The following CDH12 variants were observed in gnomAD, a reference collection of about 807,000 sequenced individuals.
CDH12 encodes the protein cadherin-12.
Under a neutral mutation model 74.1 loss-of-function variants are expected in CDH12, and 41 were observed. The ratio of observed to expected loss-of-function variants is 0.55; its 90% CI spans 0.43 to 0.72. The LOEUF (loss-of-function observed/expected upper bound fraction) is 0.72. CDH12 is among the 30% of genes least tolerant of loss of function. The pLI is 0.00. For synonymous variants in CDH12, 399 were observed against 355.0 expected, an observed-to-expected ratio of 1.12 and a Z score of -1.39; for missense variants, 945 against 977.2, an observed-to-expected ratio of 0.97 and a Z score of 0.44.
chr5:22,664,846 A>C (rs889486646), intron 1 of CDH12, among the ~76,000 whole-genome samples: 1 of 152,198 alleles, frequency 6.6e-6, no homozygotes, highest in African/African-American at 2.4e-5. Context: ...ATTCAGCAAC[A>C]ATTTATTATA....
rs185307871 is a variant in CDH12 at position 22,775,485 on chromosome 5, C to T, written c.-523+77573G>A. The stretch of plus-strand genomic sequence containing the variant: ...TTTAACCAACGTAATAAAATATCTT[C>T]ATTTTAATTTGGAAAATTAAAATAT... On this transcript the variant is annotated intron_variant, in intron 1 of 14. Transcript: ENST00000382254. Among the ~76,000 whole-genome samples, 1,347 of 152,012 alleles carry T rather than the reference C, an allele frequency of 8.9e-3. 22 individuals are homozygous for T. The highest frequency in any genetic ancestry group is 0.031 in the African/African-American group (1,286 of 41,466).
intron 4 of CDH12, among the ~76,000 whole-genome samples, chr5:22,168,893 C>T (rs1748852333): frequency 6.7e-6 from 1 of 149,004 alleles, no homozygotes; most frequent in Admixed American, 6.8e-5. Context: ...AGGCACACAT[C>T]TTCCCTAGTG....
At chr5:22,283,366 T>C (rs535986426) in intron 3 of CDH12, among the ~76,000 whole-genome samples, 26 of 150,542 alleles carry the variant, frequency 1.7e-4, no homozygotes, top group African/African-American at 6.3e-4. Context: ...ATGTATCACA[T>C]TTATATATAG....
intron 6 of CDH12, among the ~76,000 whole-genome samples, chr5:21,961,167 T>C (rs1318732194): frequency 1.3e-5 from 2 of 152,224 alleles, no homozygotes; most frequent in East Asian, 3.9e-4. Flanking sequence ...AAAGTCTTTC[T>C]ATTTTTCTGT....
chr5:22,744,977 A>C (rs1745218952), intron 1 of CDH12, among the ~76,000 whole-genome samples: 2 of 151,758 alleles, frequency 1.3e-5, no homozygotes, highest in African/African-American at 4.8e-5. Flanking sequence ...AGAACCTGAC[A>C]TATAATTAAC....
At chr5:22,101,085 T>C (rs1744114492) in intron 4 of CDH12, among the ~76,000 whole-genome samples, 1 of 152,174 alleles carries the variant, frequency 6.6e-6, no homozygotes, top group African/African-American at 2.4e-5. Flanking sequence ...TGTAAAAATT[T>C]GCAAATGTGA....
intron 1 of CDH12, among the ~76,000 whole-genome samples, chr5:22,674,473 T>G (rs1430803054): frequency 6.6e-6 from 1 of 152,186 alleles, no homozygotes; most frequent in Admixed American, 6.5e-5. Flanking sequence ...CAGTCTCACG[T>G]ATGTCTTTAT....
At chr5:21,961,905 A>G (rs1298818613) in intron 6 of CDH12, among the ~76,000 whole-genome samples, 1 of 152,122 alleles carries the variant, frequency 6.6e-6, no homozygotes, top group Non-Finnish European at 1.5e-5. Flanking sequence ...CAGTGATGTC[A>G]GTGTTGTTAA....
chr5:22,775,158 G>C (rs935500492), intron 1 of CDH12, among the ~76,000 whole-genome samples: 2 of 151,862 alleles, frequency 1.3e-5, no homozygotes, highest in Non-Finnish European at 2.9e-5. Context: ...AAAAAGCACA[G>C]GTTTTTCTCA....
chr5:22,645,209 G>A (rs1342808745), intron 1 of CDH12, among the ~76,000 whole-genome samples: 2 of 152,004 alleles, frequency 1.3e-5, no homozygotes, highest in Non-Finnish European at 2.9e-5. Flanking sequence ...TTTTGGAAAA[G>A]ATTCACCATT....
chr5:22,804,496 G>A (rs997566605), intron 1 of CDH12, among the ~76,000 whole-genome samples: 2 of 152,140 alleles, frequency 1.3e-5, no homozygotes, highest in Non-Finnish European at 2.9e-5. Context: ...CAAGAAAGGA[G>A]GTGACGCTGC....
intron 14 of CDH12, among the ~76,000 whole-genome samples, chr5:21,752,469 T>C (rs1487983975): frequency 6.6e-6 from 1 of 152,158 alleles, no homozygotes; most frequent in Admixed American, 6.6e-5. Context: ...TATGTCTTTA[T>C]ATTAAAGTAT....
intron 1 of CDH12, among the ~76,000 whole-genome samples, chr5:22,733,673 T>C (rs1261519101): frequency 6.6e-6 from 1 of 151,934 alleles, no homozygotes; most frequent in African/African-American, 2.4e-5. Context: ...ACAATACATG[T>C]TGTAGCCTGG....
chr5:22,162,557 C>T lies in CDH12; in HGVS notation c.-187+49941G>A, dbSNP rs867515254. Among the ~76,000 whole-genome samples the T allele has an allele frequency of 3.3e-4, 50 of 152,148 alleles. 1 individual carries two copies. Among genetic ancestry groups the T allele is most frequent in the Admixed American group, 3.1e-3 (47 of 15,264 alleles). ...AAAGTGTTGACCAGGCAGGCGTAAA[C>T]CAGACACAGGTCAGACAAGAATCAC... On this transcript the variant is annotated intron_variant, in intron 4 of 14. Coordinates refer to ENST00000382254, the MANE Select transcript of CDH12 (RefSeq NM_004061.5).
rs549883217 is a variant in CDH12 at position 22,340,105 on chromosome 5, G to A, written c.-333+65152C>T. 1.6e-4 allele frequency among the ~76,000 whole-genome samples: 24 copies of A among 152,162 alleles called. No homozygotes were observed. In the East Asian group the frequency reaches 4.3e-3, roughly 27 times the overall value. ...TTACATAGTGTCTTCCATTATAAAC[G>A]AATTGGAGCTATTTGAACATTTTAT... On this transcript the variant is annotated intron_variant, in intron 3 of 14. Transcript: ENST00000382254.
At chr5:22,544,901 A>T (rs1738248937) in intron 1 of CDH12, among the ~76,000 whole-genome samples, 1 of 152,126 alleles carries the variant, frequency 6.6e-6, no homozygotes, top group Non-Finnish European at 1.5e-5. Flanking sequence ...CCACTGAAAG[A>T]AGAGGCTACA....
intron 6 of CDH12, among the ~76,000 whole-genome samples, chr5:21,961,598 G>C (rs1267954381): frequency 6.6e-6 from 1 of 152,104 alleles, no homozygotes; most frequent in Non-Finnish European, 1.5e-5. Context: ...GGGATCATTA[G>C]AGTGGCCTCT....
At chr5:22,723,795 G>A (rs1002636975) in intron 1 of CDH12, among the ~76,000 whole-genome samples, 1 of 152,004 alleles carries the variant, frequency 6.6e-6, no homozygotes, top group Non-Finnish European at 1.5e-5. Context: ...GCACTAATAA[G>A]TGATGGTGTC....
intron 5 of CDH12, among the ~76,000 whole-genome samples, chr5:22,074,328 A>G (rs1439178412): frequency 6.6e-6 from 1 of 152,206 alleles, no homozygotes; most frequent in Non-Finnish European, 1.5e-5. Context: ...TGGATTAAAG[A>G]CTTAAATGTT....
Sources: allele counts gnomAD v4.1 joint callset (sites outside exome capture counted in the v4.1 genomes callset), GRCh38; gene constraint gnomAD v4.1.1; transcripts MANE v1.5; gene names NCBI Gene and HGNC (gene_info 2026-07-23, HGNC 2026-07-21).